PSG7: variants seen among roughly 807,000 people sequenced by gnomAD.
PSG7 encodes the protein pregnancy specific beta-1-glycoprotein 7, also known as pregnancy-specific beta-1-glycoprotein 7.
PSG7 carries 57 observed loss-of-function variants against 45.6 expected under a neutral mutation model. The observed-to-expected ratio is 1.25, with a 90% CI of 1.01 to 1.56. The LOEUF (loss-of-function observed/expected upper bound fraction) is 1.56. Ranked by LOEUF, PSG7 falls within the 40% of genes most tolerant of loss-of-function variation. The pLI is 0.00. For missense variants in PSG7, 796 were observed against 508.4 expected (o/e 1.57, Z -5.44); for synonymous variants, 298 against 194.4 (o/e 1.53, Z -4.43).
rs961379311 is a variant in PSG7 at position 42,936,942 on chromosome 19, C to A, written c.64+71G>T. On this transcript the variant is annotated intron_variant, in intron 1 of 5. Transcript: ENST00000406070. ...CTTCTTTTATTTTTTAGAACCCCAT[C>A]CTCTCTAGGAGACCCCATCCAGTCA... 1.0e-5 allele frequency: 16 copies of A among 1,588,494 alleles called. 1 individual carries two copies. Among genetic ancestry groups the A allele is most frequent in the Admixed American group, 1.7e-5 (1 of 59,570 alleles).
chr19:42,925,869 G>A lies in PSG7; in HGVS notation c.1147C>T (p.Gln383Ter), dbSNP rs1972871361. Residue 383 changes from glutamine to a stop codon, truncating the protein, a stop_gained, in exon 5 of 6, where the codon CAG (glutamine) becomes TAG (stop). Coordinates refer to ENST00000406070, the MANE Select transcript of PSG7 (RefSeq NM_002783.3). LOFTEE classifies it high-confidence loss of function. The stretch of plus-strand genomic sequence containing the variant: ...AGCCCGCTATGCTTTGTAGTAATCT[G>A]GGGGATAGAAAGCTTTTGTCCTGAT... ...QLSGQKLSIP[Q>*]ITTKHSGLYA... 6.2e-7 allele frequency: 1 copy of A among 1,612,020 alleles called. No homozygotes were observed. Among genetic ancestry groups the A allele is most frequent in the Non-Finnish European group, 8.5e-7 (1 of 1,179,044 alleles).
Position 42,936,972 on chromosome 19 carries a change from G to T in PSG7, c.64+41C>A, listed in dbSNP as rs369680814. 276 of 1,605,594 alleles carry T rather than the reference G, an allele frequency of 1.7e-4. 8 individuals are homozygous for T. The East Asian group carries it at 3.5e-3, about 20-fold the overall frequency. On this transcript the variant is annotated intron_variant, in intron 1 of 5. Transcript: ENST00000406070. Reference sequence around the variant, plus strand: ...CTAGGAGACCCCATCCAGTCACTCTGCTTCCTTTTCCTGTCCTCTCCCAGG... The same window carrying T: ...CTAGGAGACCCCATCCAGTCACTCTTCTTCCTTTTCCTGTCCTCTCCCAGG...
chr19:42,924,943 T>G, intron 5 of PSG7, 119 bp from the exon 6 acceptor site: 1 of 715,544 alleles, frequency 1.4e-6, no homozygotes. Flanking sequence ...GTTTTACCAA[T>G]GATAATTTCA....
At chr19:42,934,251 T>C (rs1457676332) in intron 2 of PSG7, among the ~76,000 whole-genome samples, 1 of 151,568 alleles carries the variant, frequency 6.6e-6, no homozygotes, top group African/African-American at 2.4e-5. Context: ...AGGCAGCTGA[T>C]TTAGTTCTGG....
chr19:42,927,977 T>G (rs911108092), intron 3 of PSG7, among the ~76,000 whole-genome samples: 1 of 151,732 alleles, frequency 6.6e-6, no homozygotes, highest in African/African-American at 2.4e-5. Context: ...ATCCCAAATC[T>G]GATAGATTCA....
intron 3 of PSG7, 77 bp from the exon 4 acceptor site, chr19:42,926,793 G>A (rs59007873): frequency 0.14 from 226,741 of 1,576,998 alleles, 21,426 homozygotes; most frequent in Admixed American, 0.2. Flanking sequence ...ATTAGAGTTG[G>A]CATCTCCCAC....
intron 2 of PSG7, 30 bp downstream of exon 2, chr19:42,935,374 A>C: frequency 6.2e-7 from 1 of 1,610,568 alleles, no homozygotes; most frequent in African/African-American, 1.3e-5. Context: ...CCTGCCCCCC[A>C]ACACCCAGGG....
chr19:42,935,444 C>G lies in PSG7; in HGVS notation c.390G>C (p.Gly130=). 1 of 1,612,152 alleles carries G rather than the reference C, an allele frequency of 6.2e-7. No individual in the cohort carries two copies. The highest frequency in any genetic ancestry group is 8.5e-7 in the Non-Finnish European group (1 of 1,178,998). Residue 130 remains glycine, a synonymous_variant, in exon 2 of 6, where the codon GGG becomes GGC. Coordinates refer to ENST00000406070, the MANE Select transcript of PSG7 (RefSeq NM_002783.3). ...YTLHIIKRGD[G]TGGVTGRFTF... ...TGAAACGTCCAGTTACTCCTCCAGT[C>G]CCATCACCTCGCTTTATGATGTGTA...
intron 5 of PSG7, chr19:42,925,366 G>C: frequency 2.5e-6 from 1 of 396,194 alleles, no homozygotes; most frequent in Non-Finnish European, 4.4e-6. Flanking sequence ...GAGAGCAAAA[G>C]TAAATATTTC....
Position 42,936,912 on chromosome 19 carries a change from G to T in PSG7, c.64+101C>A. ...TCCACCCACCTCAGCCTCCCAAAGT[G>T]CTGGCTTCTTTTATTTTTTAGAACC... On this transcript the variant is annotated intron_variant, in intron 1 of 5. Transcript: ENST00000406070. 1.3e-6 allele frequency: 2 copies of T among 1,524,782 alleles called. 1 individual carries two copies. Among genetic ancestry groups the T allele is most frequent in the Non-Finnish European group, 1.8e-6 (2 of 1,110,648 alleles). The allele number at this position is 1,524,782 out of a possible 1,614,324, so 94.5% of individuals were successfully genotyped here.
At chr19:42,930,307 C>T (rs374806274) in intron 2 of PSG7, among the ~76,000 whole-genome samples, 4 of 151,496 alleles carry the variant, frequency 2.6e-5, no homozygotes, top group African/African-American at 4.9e-5. Context: ...CACAAGGTGG[C>T]GCAGTTTTCC....
In PSG7 at chr19:42,931,754, G is replaced by A. The variant is rs745595261; in HGVS notation, c.431-2034C>T. On this transcript the variant is annotated intron_variant, in intron 2 of 5. Transcript: ENST00000406070. ...GAGATAGCACCTACCTGGCCACCTC[G>A]ATCTGGTCCCCAAACCACCTGTATT... 5.3e-5 allele frequency among the ~76,000 whole-genome samples: 8 copies of A among 151,488 alleles called. 1 individual carries two copies. The highest frequency in any genetic ancestry group is 1.5e-4 in the African/African-American group (6 of 41,292).
At chr19:42,933,299 A>ATG (rs1235421771) in intron 2 of PSG7, among the ~76,000 whole-genome samples, 1 of 14,652 alleles carries the variant, frequency 6.8e-5, no homozygotes, top group Non-Finnish European at 1.5e-4. Flanking sequence ...ATATATATAT[A>ATG]TATATATATT....
rs901735916 is a variant in PSG7, at chr19:42,936,131, C to T, written c.65-362G>A. On this transcript the variant is annotated intron_variant, in intron 1 of 5. Transcript: ENST00000406070. The stretch of plus-strand genomic sequence containing the variant: ...GGGCATCCTTAGACTTCTTTCCTGA[C>T]ACCTCCTTCAGAGAACCTGGGTCTT... The T allele has an allele frequency of 2.5e-5, 6 of 237,428 alleles. No individual in the cohort carries two copies. The South Asian group carries it at 4.7e-4, about 19-fold the overall frequency. The allele number at this position is 237,428 out of a possible 1,614,324, so 14.7% of individuals were successfully genotyped here. A position where few individuals can be genotyped will look rare whatever the true frequency, so the allele number is the denominator to read the frequency against.
At chr19:42,931,979 T>A (rs1319961100) in intron 2 of PSG7, among the ~76,000 whole-genome samples, 1 of 151,620 alleles carries the variant, frequency 6.6e-6, no homozygotes, top group Admixed American at 6.6e-5. Context: ...TCCACAGCTG[T>A]GTGCAGTCTA....
At position 42,935,413 on chromosome 19, in the gene PSG7, T is replaced by G; in HGVS notation, c.421A>C (p.Thr141Pro). The G allele has an allele frequency of 6.2e-7, 1 of 1,611,596 alleles. No homozygotes were observed. The highest frequency in any genetic ancestry group is 2.2e-5 in the East Asian group (1 of 44,756). Residue 141 changes from threonine (T) to proline (P), a missense_variant, in exon 2 of 6, where the codon ACC becomes CCC. Physicochemically the swap from Thr to Pro is conservative, Grantham distance 38. Coordinates refer to ENST00000406070, the MANE Select transcript of PSG7 (RefSeq NM_002783.3). Reference sequence around the variant, plus strand: ...ATGTGGAATCACTCACGGTATAAGGTGAAGGTGAAACGTCCAGTTACTCCT... The same window carrying G: ...ATGTGGAATCACTCACGGTATAAGGGGAAGGTGAAACGTCCAGTTACTCCT... ...TGGVTGRFTFTLYLETPKPSI... is the reference protein window; with the variant it reads ...TGGVTGRFTFPLYLETPKPSI...
rs370256373 is a variant in PSG7 at position 42,936,866 on chromosome 19, C to G, written c.64+147G>C. 4.7e-4 allele frequency: 604 copies of G among 1,281,960 alleles called. 13 individuals carry two copies. The African/African-American group carries it at 7.9e-3, about 17-fold the overall frequency. The allele number at this position is 1,281,960 out of a possible 1,614,324, so 79.4% of individuals were successfully genotyped here. A position where few individuals can be genotyped will look rare whatever the true frequency, so the allele number is the denominator to read the frequency against. ...GCTACATTGTGTTGGCCAGACTGATCTTGAACTCCTGATCTCTTGATCCAC... is the reference window on the plus strand; with the variant it reads ...GCTACATTGTGTTGGCCAGACTGATGTTGAACTCCTGATCTCTTGATCCAC... On this transcript the variant is annotated intron_variant, in intron 1 of 5. Transcript: ENST00000406070.
chr19:42,932,444 T>C (rs1973041244), intron 2 of PSG7, among the ~76,000 whole-genome samples: 1 of 151,392 alleles, frequency 6.6e-6, no homozygotes, highest in Admixed American at 6.6e-5. Flanking sequence ...CTCTAGGAAG[T>C]GACAAAAGAA....
chr19:42,935,636 G>C lies in PSG7; in HGVS notation c.198C>G (p.Ile66Met), dbSNP rs781815812. 17 of 1,612,000 alleles carry C rather than the reference G, an allele frequency of 1.1e-5. No individual in the cohort carries two copies. In the South Asian group the frequency reaches 1.8e-4, roughly 17 times the overall value. Reference sequence around the variant, plus strand: ...GGTCCCTGATTTGTCCTTTGTACCAGATGTAGCCAGTAAGATTCTGGGGCA... The same window carrying C: ...GGTCCCTGATTTGTCCTTTGTACCACATGTAGCCAGTAAGATTCTGGGGCA... ...HNLPQNLTGY[I>M]WYKGQIRDLY... Residue 66 changes from isoleucine to methionine, a missense_variant, in exon 2 of 6, where the codon ATC becomes ATG. By Grantham distance (10) the Ile-to-Met change is conservative. Coordinates refer to ENST00000406070, the MANE Select transcript of PSG7 (RefSeq NM_002783.3).
Sources: gnomAD v4.1 joint callset for allele counts (sites outside exome capture counted in the v4.1 genomes callset) on GRCh38, gnomAD v4.1.1 for gene constraint, MANE v1.5 for transcripts, NCBI Gene and HGNC (gene_info 2026-07-23, HGNC 2026-07-21) for gene names.